Variants in INTS1 observed in about 807,000 individuals in gnomAD.
The protein encoded by INTS1 is integrator complex subunit 1.
A neutral mutation model predicts 241.6 loss-of-function variants in INTS1; 137 were observed. The ratio of observed to expected loss-of-function variants is 0.57; its 90% CI spans 0.49 to 0.65. INTS1 has a LOEUF of 0.65. Among genes scored for constraint, INTS1 ranks in the 30% least tolerant of loss-of-function variants. The probability of loss-of-function intolerance (pLI) is 0.00; values close to 1 mark genes in which losing one functional copy is unlikely to be tolerated. For synonymous variants in INTS1, 1,692 were observed against 1,337.8 expected, an observed-to-expected ratio of 1.26 and a Z score of -5.78; for missense variants, 3,073 against 3,032.2, an observed-to-expected ratio of 1.01 and a Z score of -0.32.
intron 42 of INTS1, 63 bp downstream of exon 42, chr7:1,473,503 C>A (rs1259280907): frequency 6.5e-7 from 1 of 1,540,962 alleles, no homozygotes; most frequent in Admixed American, 2.0e-5. Flanking sequence ...CAGGAACACC[C>A]TCCAGACCCC....
At position 1,493,189 on chromosome 7, in the gene INTS1, G is replaced by T; in HGVS notation, c.2069-83C>A. ...CAGCGAGGGAACCGGCCCTGCTCGG[G>T]CCGCGTCGGGGTGGGGTGGGGGATG... On this transcript the variant is annotated intron_variant, in intron 15 of 47. Coordinates refer to ENST00000404767, the MANE Select transcript of INTS1 (RefSeq NM_001080453.3). This position sits in a 1 kb window ranked among gnomAD's most constrained non-coding sequence, Gnocchi z 5.3. 1.8e-6 allele frequency: 2 copies of T among 1,101,318 alleles called. No homozygotes were observed. The highest frequency in any genetic ancestry group is 2.6e-5 in the East Asian group (1 of 38,656). The allele number at this position is 1,101,318 out of a possible 1,614,324, so 68.2% of individuals were successfully genotyped here.
Position 1,478,722 on chromosome 7 carries a change from T to C in INTS1, c.4489+4A>G, listed in dbSNP as rs759545553. 1 of 1,566,778 alleles carries C rather than the reference T, an allele frequency of 6.4e-7. No homozygotes were observed. Among genetic ancestry groups the C allele is most frequent in the Non-Finnish European group, 8.7e-7 (1 of 1,156,014 alleles). ...GCCGTCTGCCAGCCCGGCGCGGTCC[T>C]CACCATCACTGAGCCTGCGCCCGGC... On this transcript the variant is annotated splice_donor_region_variant and intron_variant, in intron 32 of 47. Transcript: ENST00000404767.
At chr7:1,479,116 G>A (rs900189075) in intron 31 of INTS1, among the ~76,000 whole-genome samples, 7 of 152,242 alleles carry the variant, frequency 4.6e-5, no homozygotes, top group Non-Finnish European at 8.8e-5. Flanking sequence ...CTCCCACGCG[G>A]TTCAAAGGAA....
rs530579208 is a variant in INTS1 at position 1,493,758 on chromosome 7, C to T, written c.2064G>A (p.Ala688=). 125 of 1,577,002 alleles carry T rather than the reference C, an allele frequency of 7.9e-5. 1 individual carries two copies. In the South Asian group the frequency reaches 1.3e-3, roughly 16 times the overall value. ...CATCCCCTGCAGAAGCCATACCATC[C>T]GCCTGCACGGCAGCCGCCCGCTTCA... The part of the protein sequence containing the change: ...HLVKRAAAVQ[A]DDVEVLKVGR... The change falls in exon 15 of 48, where the codon GCG becomes GCA. Residue 688 remains alanine (A), a synonymous_variant. Transcript: ENST00000404767. The surrounding 1 kb of genome is among the most constrained non-coding windows in gnomAD (Gnocchi z 5.3).
chr7:1,480,530 C>T (rs1290244732), intron 29 of INTS1, 89 bp from the exon 30 acceptor site: 13 of 1,419,156 alleles, frequency 9.2e-6, no homozygotes, highest in African/African-American at 1.4e-5. Context: ...GAGTCCTGCC[C>T]GGGGACTGTC....
rs1483822982 is a variant in INTS1 at position 1,477,955 on chromosome 7, G to A, written c.4631-19C>T. ...TGGAGGACTGCGCAAGGGACAAAGA[G>A]ACATGTGGGTCACTCCCAGGTCGGG... On this transcript the variant is annotated intron_variant, in intron 33 of 47. Coordinates refer to ENST00000404767, the MANE Select transcript of INTS1 (RefSeq NM_001080453.3). The A allele has an allele frequency of 1.2e-6, 2 of 1,610,506 alleles. No individual in the cohort carries two copies. Among genetic ancestry groups the A allele is most frequent in the African/African-American group, 1.3e-5 (1 of 74,910 alleles).
chr7:1,478,953 A>G, intron 31 of INTS1, 68 bp from the exon 32 acceptor site: 1 of 1,510,270 alleles, frequency 6.6e-7, no homozygotes, highest in East Asian at 2.4e-5. Context: ...CCCGAGGCCC[A>G]GAGCAGGGCC....
intron 14 of INTS1, among the ~76,000 whole-genome samples, chr7:1,494,234 C>G (rs1186838198): frequency 1.3e-5 from 2 of 152,238 alleles, no homozygotes; most frequent in Non-Finnish European, 2.9e-5. Context: ...TTCTTGCCCT[C>G]AAGGAGCTGG....
chr7:1,478,914 C>T, intron 31 of INTS1, 29 bp from the exon 32 acceptor site: 1 of 1,580,618 alleles, frequency 6.3e-7, no homozygotes, highest in Non-Finnish European at 8.6e-7. Flanking sequence ...ACGTGGCTAC[C>T]CTGGCAGAGG....
At chr7:1,499,221 G>T (rs539194356) in intron 7 of INTS1, 34 bp downstream of exon 7, 8 of 1,605,090 alleles carry the variant, frequency 5.0e-6, no homozygotes, top group Non-Finnish European at 6.8e-6. Context: ...CGCCCCCGCC[G>T]CCCCCAACTG....
In INTS1 at chr7:1,497,705, T is replaced by C. The variant is rs528392712; in HGVS notation, c.1426-391A>G. On this transcript the variant is annotated intron_variant, in intron 10 of 47. Transcript: ENST00000404767. This position sits in a 1 kb window ranked among gnomAD's most constrained non-coding sequence, Gnocchi z 5.3. ...GAAAGGATCTGAAAGGACGCACTCC[T>C]GTCTCAAAATGCCAGGCCGCGAAGA... 1.9e-4 allele frequency among the ~76,000 whole-genome samples: 29 copies of C among 152,312 alleles called. No homozygotes were observed. In the South Asian group the frequency reaches 6.0e-3, roughly 32 times the overall value.
chr7:1,479,691 C>T lies in INTS1; in HGVS notation c.4075-7G>A, dbSNP rs926815810. On this transcript the variant is annotated splice_region_variant and splice_polypyrimidine_tract_variant and intron_variant, in intron 30 of 47. Coordinates refer to ENST00000404767, the MANE Select transcript of INTS1 (RefSeq NM_001080453.3). ...CCGGGCTGAGCGGGAAAATCTGGAACGGGGAAGGCCAGTGTCAGGAGGAAG... is the reference window on the plus strand; with the variant it reads ...CCGGGCTGAGCGGGAAAATCTGGAATGGGGAAGGCCAGTGTCAGGAGGAAG... The T allele has an allele frequency of 1.4e-5, 21 of 1,457,164 alleles. 1 individual carries two copies. Among genetic ancestry groups the T allele is most frequent in the Middle Eastern group, 1.9e-4 (1 of 5,220 alleles). 90.3% of individuals were successfully genotyped at this position (1,457,164 alleles called of 1,614,324 possible).
At position 1,495,619 on chromosome 7, in the gene INTS1, G is replaced by A. The variant is rs138398565; in HGVS notation, c.1712-66C>T. 31 of 1,552,086 alleles carry A rather than the reference G, an allele frequency of 2.0e-5. No homozygotes were observed. In the East Asian group the frequency reaches 6.0e-4, roughly 30 times the overall value. On this transcript the variant is annotated intron_variant, in intron 12 of 47. Coordinates refer to ENST00000404767, the MANE Select transcript of INTS1 (RefSeq NM_001080453.3). ...GGCCATGAGGGGCTAAGGCACCCCTGGGGGTCCAACTCAATGCTGGCACTT... is the reference window on the plus strand; with the variant it reads ...GGCCATGAGGGGCTAAGGCACCCCTAGGGGTCCAACTCAATGCTGGCACTT...
In INTS1 at chr7:1,496,153, T is replaced by C. The variant is rs1257642147; in HGVS notation, c.1711+3A>G. The C allele has an allele frequency of 6.2e-7, 1 of 1,612,670 alleles. No homozygotes were observed. Among genetic ancestry groups the C allele is most frequent in the East Asian group, 2.2e-5 (1 of 44,848 alleles). On this transcript the variant is annotated splice_donor_region_variant and intron_variant, in intron 12 of 47. Transcript: ENST00000404767. ...CAGGGCCAGGCCACCCCCACATCCT[T>C]ACTCCTCTTTTCTCCTTTGTCCCAG...
chr7:1,474,859 A>C (rs1194018014), intron 39 of INTS1, 21 bp from the exon 40 acceptor site: 1 of 1,567,366 alleles, frequency 6.4e-7, no homozygotes, highest in East Asian at 2.4e-5. Context: ...GGGCGCTCTG[A>C]GGCCGGGGCC....
chr7:1,477,732 G>A lies in INTS1; in HGVS notation c.4814+21C>T, dbSNP rs200141459. On this transcript the variant is annotated intron_variant, in intron 34 of 47. Transcript: ENST00000404767. ...TGCCACCCGCCTGCCCACCCTGGCC[G>A]TGTGCAGCACCCCAGCTCACCTGCC... 6,372 of 1,610,188 alleles carry A rather than the reference G, an allele frequency of 4.0e-3. 32 individuals are homozygous for A. The highest frequency in any genetic ancestry group is 3.8e-3 in the Non-Finnish European group (4,490 of 1,178,568).
Position 1,497,159 on chromosome 7 carries a change from C to T in INTS1, c.1581G>A (p.Gln527=). The T allele has an allele frequency of 6.2e-7, 1 of 1,608,312 alleles. No individual in the cohort carries two copies. The highest frequency in any genetic ancestry group is 1.1e-5 in the South Asian group (1 of 90,302). ...LGLMQERKEP[Q]YLEMEFKERF... The stretch of plus-strand genomic sequence containing the variant: ...GCACCTTGAACTCCATCTCCAGGTA[C>T]TGCGGCTCCTTGCGCTCCTGCATGA... The change falls in exon 11 of 48, where the codon CAG becomes CAA. Residue 527 remains glutamine (Q), a synonymous_variant. Transcript: ENST00000404767. The surrounding 1 kb of genome is among the most constrained non-coding windows in gnomAD (Gnocchi z 5.3).
rs1583155584 is a variant in INTS1 at position 1,496,989 on chromosome 7, G to A, written c.1602+149C>T. On this transcript the variant is annotated intron_variant, in intron 11 of 47. Transcript: ENST00000404767. ...GAGCCTATGCTACCCTCTGGGACGC[G>A]TCACCGCAAACAGCCTCACTCATCC... is the stretch of plus-strand genomic sequence containing the variant. The A allele has an allele frequency of 5.0e-5, 40 of 804,124 alleles. 1 individual carries two copies. In the East Asian group the frequency reaches 9.8e-4, roughly 20 times the overall value. The allele number at this position is 804,124 out of a possible 1,614,324, so 49.8% of individuals were successfully genotyped here.
At chr7:1,473,306 C>T (rs1781560008) in intron 42 of INTS1, 122 bp from the exon 43 acceptor site, 1 of 699,672 alleles carries the variant, frequency 1.4e-6, no homozygotes, top group Non-Finnish European at 2.4e-6. Flanking sequence ...GGCCAGGACG[C>T]TCAGAGGGAG....
Sources: allele counts gnomAD v4.1 joint callset (sites outside exome capture counted in the v4.1 genomes callset), GRCh38; gene constraint gnomAD v4.1.1; non-coding constraint Gnocchi (gnomAD v3.1); transcripts MANE v1.5; gene names NCBI Gene and HGNC (gene_info 2026-07-23, HGNC 2026-07-21).